TMEM132D: variants seen among roughly 807,000 people sequenced by gnomAD.
TMEM132D encodes the protein mature OL transmembrane protein.
A neutral mutation model predicts 62.3 loss-of-function variants in TMEM132D; 21 were observed. The ratio of observed to expected loss-of-function variants is 0.34; its 90% confidence interval spans 0.24 to 0.49. TMEM132D has a LOEUF of 0.49. Among genes scored for constraint, TMEM132D ranks in the 20% least tolerant of loss-of-function variants. The pLI is 0.99. For synonymous variants in TMEM132D, 621 were observed against 575.6 expected, an observed-to-expected ratio of 1.08 and a Z score of -1.13; for missense variants, 1,346 against 1,402.8, an observed-to-expected ratio of 0.96 and a Z score of 0.65.
intron 5 of TMEM132D, among the ~76,000 whole-genome samples, chr12:129,205,325 A>G (rs1487517687): frequency 6.6e-6 from 1 of 151,484 alleles, no homozygotes; most frequent in African/African-American, 2.4e-5. Context: ...AGAAAAATCT[A>G]CCAAAGAAAT....
At chr12:129,171,907 C>G (rs1485110631) in intron 5 of TMEM132D, among the ~76,000 whole-genome samples, 1 of 152,156 alleles carries the variant, frequency 6.6e-6, no homozygotes, top group Non-Finnish European at 1.5e-5. Context: ...GCTAAATGAG[C>G]ACTGGCTTCA....
At chr12:129,322,594 A>T (rs1343790813) in intron 4 of TMEM132D, among the ~76,000 whole-genome samples, 2 of 152,086 alleles carry the variant, frequency 1.3e-5, no homozygotes, top group African/African-American at 4.8e-5. Flanking sequence ...CTACAAGGCA[A>T]ATTCCTTTAA....
intron 2 of TMEM132D, among the ~76,000 whole-genome samples, chr12:129,629,834 G>A (rs1879309841): frequency 6.6e-6 from 1 of 152,184 alleles, no homozygotes; most frequent in African/African-American, 2.4e-5. Flanking sequence ...AGCTTGGCTT[G>A]TGTTTGGCAC....
intron 2 of TMEM132D, among the ~76,000 whole-genome samples, chr12:129,541,367 T>C (rs532597471): frequency 7.2e-5 from 11 of 152,286 alleles, no homozygotes; most frequent in Non-Finnish European, 1.3e-4. Flanking sequence ...GTTATTTAAA[T>C]ATTTTACAAA....
At chr12:129,650,020 A>T (rs1879888042) in intron 2 of TMEM132D, among the ~76,000 whole-genome samples, 1 of 152,110 alleles carries the variant, frequency 6.6e-6, no homozygotes, top group South Asian at 2.1e-4. Flanking sequence ...AATATTGCAA[A>T]TAGAACTGAA....
At chr12:129,402,631 C>A (rs879509437) in intron 3 of TMEM132D, among the ~76,000 whole-genome samples, 7 of 152,122 alleles carry the variant, frequency 4.6e-5, no homozygotes, top group Non-Finnish European at 1.0e-4. Context: ...AGTGCAGTGG[C>A]GCAATCAGAG....
intron 2 of TMEM132D, among the ~76,000 whole-genome samples, chr12:129,692,043 C>T (rs12310854): frequency 0.026 from 4,023 of 151,888 alleles, 72 homozygotes; most frequent in South Asian, 0.06. Flanking sequence ...TAAATAATAC[C>T]ATTTCTACAC....
chr12:129,727,131 G>C (rs2137249149), intron 1 of TMEM132D, among the ~76,000 whole-genome samples: 1 of 152,336 alleles, frequency 6.6e-6, no homozygotes, highest in South Asian at 2.1e-4. Flanking sequence ...TTTGATGTAT[G>C]ATTGTCCCTA....
At chr12:129,495,783 G>A (rs1034951730) in intron 3 of TMEM132D, among the ~76,000 whole-genome samples, 1 of 152,178 alleles carries the variant, frequency 6.6e-6, no homozygotes, top group African/African-American at 2.4e-5. Context: ...TCGTGGGGAT[G>A]TCTCTATCAG....
chr12:129,468,884 T>C (rs974398426), intron 3 of TMEM132D, among the ~76,000 whole-genome samples: 6 of 152,238 alleles, frequency 3.9e-5, no homozygotes, highest in Admixed American at 6.5e-5. Flanking sequence ...AAATCAGGCT[T>C]CTTCCAGATG....
chr12:129,872,361 G>C (rs571703309), intron 1 of TMEM132D, among the ~76,000 whole-genome samples: 1 of 152,154 alleles, frequency 6.6e-6, no homozygotes, highest in Non-Finnish European at 1.5e-5. Flanking sequence ...TCGTGAACGT[G>C]AACTTCCCAA....
intron 2 of TMEM132D, among the ~76,000 whole-genome samples, chr12:129,632,099 C>T (rs934265111): frequency 2.0e-5 from 3 of 152,130 alleles, no homozygotes; most frequent in Non-Finnish European, 4.4e-5. Flanking sequence ...AAAATGACTT[C>T]AGGTATTTCG....
At chr12:129,162,634 A>C (rs1189057684) in intron 5 of TMEM132D, among the ~76,000 whole-genome samples, 1 of 151,888 alleles carries the variant, frequency 6.6e-6, no homozygotes, top group African/African-American at 2.4e-5. Flanking sequence ...TCTTGCTCTG[A>C]GTTCACATGA....
intron 2 of TMEM132D, among the ~76,000 whole-genome samples, chr12:129,620,039 G>A (rs918813116): frequency 1.3e-5 from 2 of 152,140 alleles, no homozygotes; most frequent in African/African-American, 4.8e-5. Flanking sequence ...TTCTGCTTCT[G>A]TCCCTAAACC....
chr12:129,488,237 C>T (rs940058898), intron 3 of TMEM132D, among the ~76,000 whole-genome samples: 2 of 152,200 alleles, frequency 1.3e-5, no homozygotes, highest in Non-Finnish European at 2.9e-5. Context: ...AAACAAGCTG[C>T]GACTCCATCA....
chr12:129,775,734 A>C (rs1870900432), intron 1 of TMEM132D, among the ~76,000 whole-genome samples: 1 of 152,168 alleles, frequency 6.6e-6, no homozygotes, highest in South Asian at 2.1e-4. Flanking sequence ...CCTGCCTCCC[A>C]GGCCCCTCCT....
chr12:129,759,665 C>T (rs1161482964), intron 1 of TMEM132D, among the ~76,000 whole-genome samples: 1 of 152,172 alleles, frequency 6.6e-6, no homozygotes, highest in Non-Finnish European at 1.5e-5. Context: ...TGTATCCATT[C>T]TACATCTAGG....
rs539361300 is a variant in TMEM132D at position 129,712,201 on chromosome 12, T to C, written c.80-11503A>G. 3.3e-5 allele frequency among the ~76,000 whole-genome samples: 5 copies of C among 152,288 alleles called. No homozygotes were observed. The South Asian group carries it at 6.2e-4, about 19-fold the overall frequency. ...GTGCAATGGCGTGATCTCGGCTCAC[T>C]GCAACATCTGCCTCCCAGGTTCAAG... On this transcript the variant is annotated intron_variant, in intron 1 of 8. Transcript: ENST00000422113.
intron 3 of TMEM132D, among the ~76,000 whole-genome samples, chr12:129,445,295 C>T (rs1373374720): frequency 6.6e-6 from 1 of 152,006 alleles, no homozygotes; most frequent in Non-Finnish European, 1.5e-5. Flanking sequence ...GAACAACACG[C>T]TGGGGCCTAT....
Sources: allele counts gnomAD v4.1 joint callset (sites outside exome capture counted in the v4.1 genomes callset), GRCh38; gene constraint gnomAD v4.1.1; transcripts MANE v1.5; gene names NCBI Gene and HGNC (gene_info 2026-07-23, HGNC 2026-07-21).